HMG20A: variants seen among roughly 807,000 people sequenced by gnomAD.
HMG20A encodes the protein high mobility group protein 20A.
A neutral mutation model predicts 43.9 loss-of-function variants in HMG20A; 17 were observed. The observed-to-expected ratio is 0.39, with a 90% confidence interval of 0.27 to 0.58. The LOEUF (loss-of-function observed/expected upper bound fraction) is 0.58, where lower values mean the gene tolerates loss of function less well. Ranked by LOEUF, HMG20A falls within the 20% of genes least tolerant of loss-of-function variation. The pLI is 0.59. For synonymous variants in HMG20A, 132 were observed against 147.5 expected, an observed-to-expected ratio of 0.89 and a Z score of 0.76; for missense variants, 341 against 438.2, an observed-to-expected ratio of 0.78 and a Z score of 1.98.
chr15:77,452,795 A>G (rs573325334), intron 1 of HMG20A, among the ~76,000 whole-genome samples: 57 of 152,372 alleles, frequency 3.7e-4, no homozygotes, highest in African/African-American at 1.3e-3. Flanking sequence ...AAAGACCACT[A>G]TCAAAGTGAA....
rs982755370 is a variant in HMG20A at position 77,472,653 on chromosome 15, A to G, written c.615+839A>G. Among the ~76,000 whole-genome samples the G allele has an allele frequency of 2.0e-5, 3 of 151,948 alleles. No individual in the cohort carries two copies. The East Asian group carries it at 5.8e-4, about 29-fold the overall frequency. On this transcript the variant is annotated intron_variant, in intron 6 of 9. Transcript: ENST00000336216. ...TTTGTGTACTGGCTTCTTTCCTCCC[A>G]CTTGGTTCAGCCCCATTGTTAGGAT...
chr15:77,461,410 GTATATGCTGA>G (rs1464362055), intron 2 of HMG20A, among the ~76,000 whole-genome samples: 5 of 152,108 alleles, frequency 3.3e-5, no homozygotes, highest in African/African-American at 1.2e-4. Flanking sequence ...AATATCATAC[GTATATGCTGA>G]TTGGACTGAT....
intron 1 of HMG20A, among the ~76,000 whole-genome samples, chr15:77,430,698 G>A (rs1300027682): frequency 1.8e-4 from 28 of 152,184 alleles, no homozygotes; most frequent in Non-Finnish European, 2.9e-5. Context: ...CCCTAGAGAA[G>A]GACAGTACCC....
the HMG20A span, among the ~76,000 whole-genome samples, chr15:77,495,804 C>T: frequency 8.5e-5 from 13 of 152,122 alleles, no homozygotes; most frequent in Non-Finnish European, 1.3e-4. Context: ...CCCTAGAAGC[C>T]CCTCATCCAA....
At position 77,483,019 on chromosome 15, in the gene HMG20A, A is replaced by C. The variant is rs1228772401; in HGVS notation, c.*56A>C. ...TAAGTGTTTTTACTTGTGAGGAATGAGAAGCCATCCATGGAAATTTGAACT... is the reference window on the plus strand; with the variant it reads ...TAAGTGTTTTTACTTGTGAGGAATGCGAAGCCATCCATGGAAATTTGAACT... On this transcript the variant is annotated 3_prime_UTR_variant, in exon 10 of 10. Transcript: ENST00000336216. 1 of 152,210 alleles carries C rather than the reference A, an allele frequency of 6.6e-6. No individual in the cohort carries two copies. The highest frequency in any genetic ancestry group is 6.6e-5 in the Admixed American group (1 of 15,262). The allele number at this position is 152,210 out of a possible 1,614,324, so 9.4% of individuals were successfully genotyped here. A position where few individuals can be genotyped will look rare whatever the true frequency, so the allele number is the denominator to read the frequency against.
At chr15:77,442,016 A>G (rs554937063) in intron 1 of HMG20A, among the ~76,000 whole-genome samples, 1 of 152,318 alleles carries the variant, frequency 6.6e-6, no homozygotes, top group South Asian at 2.1e-4. Flanking sequence ...AATCAAACAC[A>G]TTACATTTTA....
chr15:77,502,599 G>A, the HMG20A span, among the ~76,000 whole-genome samples: 74 of 152,294 alleles, frequency 4.9e-4, no homozygotes, highest in South Asian at 0.013. Flanking sequence ...GCCACATGAC[G>A]ACAGAGATGG....
intron 1 of HMG20A, among the ~76,000 whole-genome samples, chr15:77,425,207 A>G (rs972072699): frequency 1.2e-4 from 18 of 152,190 alleles, no homozygotes. Context: ...CTTACTGTCC[A>G]GTGCTCCTCT....
chr15:77,479,371 A>C, intron 9 of HMG20A, 50 bp downstream of exon 9: 1 of 1,557,402 alleles, frequency 6.4e-7, no homozygotes, highest in Non-Finnish European at 8.8e-7. Context: ...ATCAAAAATA[A>C]GATGTCATCA....
At chr15:77,497,682 AGTGTGTGT>A in the HMG20A span, among the ~76,000 whole-genome samples, 15 of 118,976 alleles carry the variant, frequency 1.3e-4, no homozygotes, top group East Asian at 7.4e-4. Context: ...AGAGAGAGAG[AGTGTGTGT>A]GTGTGTGTGT....
chr15:77,477,551 A>T lies in HMG20A; in HGVS notation c.616-4A>T. 6.2e-7 allele frequency: 1 copy of T among 1,600,562 alleles called. No individual in the cohort carries two copies. The highest frequency in any genetic ancestry group is 8.6e-7 in the Non-Finnish European group (1 of 1,169,118). ...TTAACTGTTTTGTTCCTCTTGATTCACAGAAAGAAACAGAGGTAAAGGAAC... is the reference window on the plus strand; with the variant it reads ...TTAACTGTTTTGTTCCTCTTGATTCTCAGAAAGAAACAGAGGTAAAGGAAC... On this transcript the variant is annotated splice_polypyrimidine_tract_variant and splice_region_variant and intron_variant, in intron 6 of 9. Transcript: ENST00000336216.
In HMG20A at chr15:77,467,098, C is replaced by G; in HGVS notation, c.241C>G (p.Arg81Gly). 6.2e-7 allele frequency: 1 copy of G among 1,611,092 alleles called. No individual in the cohort carries two copies. The highest frequency in any genetic ancestry group is 8.5e-7 in the Non-Finnish European group (1 of 1,178,228). Reference protein sequence around the residue: ...GNEQRHEDEQRSKRGGWSKGR... With the variant: ...GNEQRHEDEQGSKRGGWSKGR... ...TTTATTTTGTTTTGTTTTGTAGCAA[C>G]GAAGTAAACGAGGAGGTTGGTCCAA... is the stretch of plus-strand genomic sequence containing the variant. The change falls in exon 4 of 10, where the codon CGA becomes GGA. Residue 81 changes from arginine (R) to glycine (G), a missense_variant. Arg to Gly is a moderately radical substitution (Grantham distance 125, BLOSUM62 -2). This residue lies in a region of HMG20A where 220 missense variants were observed against 263.6 expected (regional missense o/e 0.83). Transcript: ENST00000336216.
chr15:77,484,114 G>GTTTGTTTTGT lies in HMG20A; in HGVS notation c.*1169_*1178dup, dbSNP rs201736711. 2.6e-5 allele frequency: 4 copies of GTTTGTTTTGT among 152,016 alleles called. No individual in the cohort carries two copies. The highest frequency in any genetic ancestry group is 4.8e-5 in the African/African-American group (2 of 41,374). The allele number at this position is 152,016 out of a possible 1,614,324, so 9.4% of individuals were successfully genotyped here. A position where few individuals can be genotyped will look rare whatever the true frequency, so the allele number is the denominator to read the frequency against. The stretch of plus-strand genomic sequence containing the variant: ...AAAGAGGACTTTCTGGTTCATTTTT[G>GTTTGTTTTGT]TTTGTTTTGTTTTGTTTTGTTTTGT... On this transcript the variant is annotated 3_prime_UTR_variant, in exon 10 of 10. Transcript: ENST00000336216.
At chr15:77,513,506 T>C in the HMG20A span, among the ~76,000 whole-genome samples, 2 of 152,190 alleles carry the variant, frequency 1.3e-5, no homozygotes, top group African/African-American at 2.4e-5. Flanking sequence ...CTGGGTGGCC[T>C]AAACAACAGA....
At chr15:77,495,305 T>C in the HMG20A span, among the ~76,000 whole-genome samples, 10 of 152,210 alleles carry the variant, frequency 6.6e-5, no homozygotes, top group Non-Finnish European at 1.0e-4. Flanking sequence ...CCCAGCACTT[T>C]GGGAGGCTGA....
chr15:77,497,447 C>T, the HMG20A span, among the ~76,000 whole-genome samples: 1 of 152,330 alleles, frequency 6.6e-6, no homozygotes, highest in Middle Eastern at 3.4e-3. Flanking sequence ...AGCTTCCAGC[C>T]GAGTGGAAGC....
In HMG20A at chr15:77,484,348, G is replaced by A. The variant is rs1278946931; in HGVS notation, c.*1385G>A. On this transcript the variant is annotated 3_prime_UTR_variant, in exon 10 of 10. Transcript: ENST00000336216. ...TTGTTTTTGTTTTTGTTTTTGTTTTGACACTGCAGAGCACAAGGCTAAAGG... is the reference window on the plus strand; with the variant it reads ...TTGTTTTTGTTTTTGTTTTTGTTTTAACACTGCAGAGCACAAGGCTAAAGG... The A allele has an allele frequency of 6.6e-6, 1 of 152,446 alleles. No individual in the cohort carries two copies. The highest frequency in any genetic ancestry group is 2.4e-5 in the African/African-American group (1 of 41,368). The allele number at this position is 152,446 out of a possible 1,614,324, so 9.4% of individuals were successfully genotyped here.
Position 77,450,124 on chromosome 15 carries a change from A to T in HMG20A, c.-4-8280A>T, listed in dbSNP as rs548357482. Among the ~76,000 whole-genome samples the T allele has an allele frequency of 5.9e-5, 9 of 151,906 alleles. No individual in the cohort carries two copies. In the South Asian group the frequency reaches 6.2e-4, roughly 11 times the overall value. On this transcript the variant is annotated intron_variant, in intron 1 of 9. Transcript: ENST00000336216. ...ATCTTTTCAGATTTATTTTTTATTT[A>T]TTTATTTTTTTATTTGTTTTTTTGA... is the stretch of plus-strand genomic sequence containing the variant.
chr15:77,440,218 G>A (rs149346154), intron 1 of HMG20A, among the ~76,000 whole-genome samples: 5 of 152,140 alleles, frequency 3.3e-5, no homozygotes, highest in African/African-American at 1.2e-4. Context: ...TCTCTAATGT[G>A]GTTAGTGCTT....
Sources: allele counts gnomAD v4.1 joint callset (sites outside exome capture counted in the v4.1 genomes callset), GRCh38; gene constraint gnomAD v4.1.1; regional missense constraint gnomAD v4.1.1; transcripts MANE v1.5; gene names NCBI Gene and HGNC (gene_info 2026-07-23, HGNC 2026-07-21).